The following DPY19L1 variants were observed in gnomAD, a reference collection of about 807,000 sequenced individuals.
DPY19L1 encodes protein C-mannosyl-transferase DPY19L1.
A neutral mutation model predicts 96.9 loss-of-function variants in DPY19L1; 35 were observed. That is an observed-to-expected ratio of 0.36 (90% CI 0.28 to 0.48). The LOEUF is 0.48. Among genes scored for constraint, DPY19L1 ranks in the 20% least tolerant of loss-of-function variants. The pLI, the probability that DPY19L1 is intolerant of heterozygous loss-of-function variation, is 0.99. For missense variants in DPY19L1, 521 were observed against 777.9 expected (o/e 0.67, Z 3.93); for synonymous variants, 205 against 252.6 (o/e 0.81, Z 1.79).
At chr7:34,933,127 G>A (rs1783790130) in intron 21 of DPY19L1, among the ~76,000 whole-genome samples, 1 of 151,754 alleles carries the variant, frequency 6.6e-6, no homozygotes, top group Non-Finnish European at 1.5e-5. Flanking sequence ...CATATATCCT[G>A]CTGGACCTTT....
intron 13 of DPY19L1, among the ~76,000 whole-genome samples, chr7:34,951,571 T>G (rs547709859): frequency 6.6e-6 from 1 of 151,904 alleles, no homozygotes; most frequent in African/African-American, 2.4e-5. Flanking sequence ...AAAGAAAATT[T>G]TAGCTTTAAA....
chr7:34,935,109 T>G (rs1015301323), intron 21 of DPY19L1, among the ~76,000 whole-genome samples: 1 of 152,202 alleles, frequency 6.6e-6, no homozygotes, highest in Non-Finnish European at 1.5e-5. Flanking sequence ...GTTTTCTACC[T>G]TGTAATTTTC....
intron 1 of DPY19L1, among the ~76,000 whole-genome samples, chr7:35,035,466 C>A (rs1342567981): frequency 1.3e-5 from 2 of 152,180 alleles, no homozygotes; most frequent in African/African-American, 4.8e-5. Flanking sequence ...TATCATTATT[C>A]TAAGATTTGT....
chr7:35,000,744 GA>G (rs1240990937), intron 6 of DPY19L1: 3 of 152,154 alleles, frequency 2.0e-5, no homozygotes, highest in African/African-American at 7.2e-5. Context: ...TGGAACATCA[GA>G]ACAGAAAAGA....
chr7:34,980,068 G>C (rs1026649749), intron 7 of DPY19L1, among the ~76,000 whole-genome samples: 3 of 152,066 alleles, frequency 2.0e-5, no homozygotes, highest in African/African-American at 7.2e-5. Flanking sequence ...CAGACTAATA[G>C]AACATAATTG....
chr7:34,932,221 T>A (rs1783767405), intron 21 of DPY19L1, among the ~76,000 whole-genome samples: 4 of 152,210 alleles, frequency 2.6e-5, no homozygotes, highest in Admixed American at 2.6e-4. Flanking sequence ...GGAAGCTGCA[T>A]TAATTGTATA....
Position 34,945,670 on chromosome 7 carries a change from A to G in DPY19L1, c.1541T>C (p.Val514Ala). ...AAATTCTTAATAGCATATTTACCTT[A>G]CATGTGTCTGTTGTTTAGCTAAGAC... ...WGVLAKQQTH[V>A]RKHQFDHGEL... Residue 514 changes from valine (V) to alanine (A), a missense_variant, in exon 16 of 22, where the codon GTA becomes GCA. By Grantham distance (64) the Val-to-Ala change is moderately conservative. Coordinates refer to ENST00000638088, the MANE Select transcript of DPY19L1 (RefSeq NM_001366673.1). 6.3e-7 allele frequency: 1 copy of G among 1,594,064 alleles called. No homozygotes were observed. The highest frequency in any genetic ancestry group is 8.6e-7 in the Non-Finnish European group (1 of 1,167,634).
At chr7:35,006,872 G>A (rs1213820390) in intron 6 of DPY19L1, among the ~76,000 whole-genome samples, 1 of 152,082 alleles carries the variant, frequency 6.6e-6, no homozygotes, top group African/African-American at 2.4e-5. Context: ...ATATACTTCT[G>A]AATTTAAAAT....
At chr7:35,037,778 C>G (rs1372239958), upstream of DPY19L1, 67 of 1,178,306 alleles carry the variant, frequency 5.7e-5, no homozygotes, top group Non-Finnish European at 6.5e-5. Context: ...ACTTCCGGCG[C>G]AGGCGGGGCC....
At chr7:34,974,681 A>G (rs1784796324) in intron 7 of DPY19L1, among the ~76,000 whole-genome samples, 1 of 152,202 alleles carries the variant, frequency 6.6e-6, no homozygotes, top group Non-Finnish European at 1.5e-5. Flanking sequence ...GTTCAGTATG[A>G]TTGACAGTAA....
chr7:34,944,338 C>T (rs1011852834), intron 16 of DPY19L1, among the ~76,000 whole-genome samples: 1 of 139,802 alleles, frequency 7.2e-6, no homozygotes, highest in Non-Finnish European at 1.5e-5. Context: ...ACTCCTCCAG[C>T]CTGGGTGACA....
intron 16 of DPY19L1, among the ~76,000 whole-genome samples, chr7:34,943,259 C>T (rs1035148751): frequency 3.9e-5 from 6 of 152,170 alleles, no homozygotes; most frequent in African/African-American, 1.4e-4. Context: ...ACATAAGGGG[C>T]TAGTGAAGGA....
At chr7:34,936,394 G>A (rs1467828864) in intron 21 of DPY19L1, among the ~76,000 whole-genome samples, 1 of 152,050 alleles carries the variant, frequency 6.6e-6, no homozygotes, top group Non-Finnish European at 1.5e-5. Context: ...AACTCTCAAA[G>A]GCTCATTGTT....
At chr7:34,957,106 G>C (rs1247345165) in intron 11 of DPY19L1, among the ~76,000 whole-genome samples, 3 of 150,804 alleles carry the variant, frequency 2.0e-5, no homozygotes, top group Non-Finnish European at 3.0e-5. Context: ...CTGCCAGCCG[G>C]GCATGGTGGC....
chr7:34,980,038 G>C (rs192348286), intron 7 of DPY19L1, among the ~76,000 whole-genome samples: 1 of 152,266 alleles, frequency 6.6e-6, no homozygotes, highest in Non-Finnish European at 1.5e-5. Context: ...AAGGCAGTGT[G>C]ATACTGGCTT....
chr7:35,006,950 T>C lies in DPY19L1; in HGVS notation c.764+3518A>G, dbSNP rs762013042. ...ATCTCAACTTTTATTTCTCAGTACA[T>C]AATACAATTTATTTTTTTAATCCTA... is the stretch of plus-strand genomic sequence containing the variant. On this transcript the variant is annotated intron_variant, in intron 6 of 21. Coordinates refer to ENST00000638088, the MANE Select transcript of DPY19L1 (RefSeq NM_001366673.1). Among the ~76,000 whole-genome samples the C allele has an allele frequency of 4.6e-5, 7 of 152,366 alleles. No homozygotes were observed. The South Asian group carries it at 6.2e-4, about 14-fold the overall frequency.
intron 6 of DPY19L1, among the ~76,000 whole-genome samples, chr7:35,007,203 T>C (rs1785580815): frequency 6.6e-6 from 1 of 152,162 alleles, no homozygotes; most frequent in African/African-American, 2.4e-5. Flanking sequence ...TTCAAAATAA[T>C]ATACATCAGG....
chr7:34,968,007 G>A (rs1447755519), intron 9 of DPY19L1, among the ~76,000 whole-genome samples: 1 of 152,036 alleles, frequency 6.6e-6, no homozygotes. Context: ...AAAAAAGCAG[G>A]CAGTCTCCAC....
chr7:35,024,523 T>C (rs1411509871), intron 1 of DPY19L1, among the ~76,000 whole-genome samples: 1 of 152,160 alleles, frequency 6.6e-6, no homozygotes, highest in Admixed American at 6.5e-5. Context: ...CATACACCTC[T>C]AAGCATCACA....
Sources: gnomAD v4.1 joint callset for allele counts (sites outside exome capture counted in the v4.1 genomes callset) on GRCh38, gnomAD v4.1.1 for gene constraint, MANE v1.5 for transcripts, NCBI Gene and HGNC (gene_info 2026-07-23, HGNC 2026-07-21) for gene names.